Variants in COL8A1 observed in about 807,000 individuals in gnomAD.
COL8A1 encodes collagen type VIII alpha 1 chain, also known as collagen alpha-1(VIII) chain.
In COL8A1, 21 loss-of-function variants were observed where a neutral mutation model predicts 42.7. That is an observed-to-expected ratio of 0.49 (90% CI 0.35 to 0.71). COL8A1 has a LOEUF of 0.71. Ranked by LOEUF, COL8A1 falls within the 30% of genes least tolerant of loss-of-function variation. The probability of loss-of-function intolerance (pLI) is 0.01; values close to 1 mark genes in which losing one functional copy is unlikely to be tolerated. For missense variants in COL8A1, 788 were observed against 962.4 expected, an observed-to-expected ratio of 0.82 and a Z score of 2.40; for synonymous variants, 367 against 369.1, an observed-to-expected ratio of 0.99 and a Z score of 0.06.
chr3:99,661,743 G>A (rs1045283494), intron 1 of COL8A1, among the ~76,000 whole-genome samples: 4 of 152,126 alleles, frequency 2.6e-5, no homozygotes, highest in African/African-American at 9.7e-5. Context: ...TGGATGAATG[G>A]ATAAACAAAA....
In COL8A1 at chr3:99,692,888, G is replaced by A. The variant is rs191507158; in HGVS notation, c.-128-52009G>A. 2.5e-4 allele frequency among the ~76,000 whole-genome samples: 38 copies of A among 152,356 alleles called. 1 individual carries two copies. Among genetic ancestry groups the A allele is most frequent in the Admixed American group, 2.2e-3 (34 of 15,308 alleles). Reference sequence around the variant, plus strand: ...AAAAGTATTGCACATGGCTGGACGCGTGGCTCACGCCTGTAATCCCAACAC... The same window carrying A: ...AAAAGTATTGCACATGGCTGGACGCATGGCTCACGCCTGTAATCCCAACAC... On this transcript the variant is annotated intron_variant, in intron 1 of 3. Coordinates refer to ENST00000652472, the MANE Select transcript of COL8A1 (RefSeq NM_020351.4).
intron 1 of COL8A1, among the ~76,000 whole-genome samples, chr3:99,644,290 G>A (rs1937598776): frequency 6.6e-6 from 1 of 152,056 alleles, no homozygotes; most frequent in Non-Finnish European, 1.5e-5. Context: ...CATTTGACTG[G>A]CCCTCAAGTG....
chr3:99,731,599 T>C (rs2107384643), intron 1 of COL8A1, among the ~76,000 whole-genome samples: 1 of 152,238 alleles, frequency 6.6e-6, no homozygotes. Flanking sequence ...ATCTACATTT[T>C]TCAAAGTGCA....
intron 1 of COL8A1, among the ~76,000 whole-genome samples, chr3:99,701,143 C>T (rs556834309): frequency 2.6e-5 from 4 of 152,258 alleles, no homozygotes; most frequent in Admixed American, 6.5e-5. Flanking sequence ...AGCAAGGCCC[C>T]GGCTGAGGCA....
intron 3 of COL8A1, among the ~76,000 whole-genome samples, chr3:99,793,874 C>T (rs976068596): frequency 6.6e-6 from 1 of 152,140 alleles, no homozygotes; most frequent in Non-Finnish European, 1.5e-5. Context: ...GCCTCAGCCT[C>T]CCAAGTAGCT....
At chr3:99,746,321 C>T (rs1259534034) in intron 2 of COL8A1, among the ~76,000 whole-genome samples, 2 of 152,094 alleles carry the variant, frequency 1.3e-5, no homozygotes, top group Non-Finnish European at 2.9e-5. Context: ...AATACATGCT[C>T]ATTGAAGCAG....
intron 1 of COL8A1, among the ~76,000 whole-genome samples, chr3:99,710,168 TAGA>T (rs1939795607): frequency 6.6e-6 from 1 of 152,122 alleles, no homozygotes; most frequent in South Asian, 2.1e-4. Context: ...TATGTTAAAC[TAGA>T]AGAAGATGAC....
chr3:99,786,227 C>A (rs1941893163), intron 2 of COL8A1, among the ~76,000 whole-genome samples: 1 of 152,090 alleles, frequency 6.6e-6, no homozygotes, highest in Non-Finnish European at 1.5e-5. Flanking sequence ...TTATTGAACC[C>A]TTTATCCTGC....
At chr3:99,766,913 C>T (rs1051534761) in intron 2 of COL8A1, among the ~76,000 whole-genome samples, 1 of 151,350 alleles carries the variant, frequency 6.6e-6, no homozygotes, top group African/African-American at 2.4e-5. Flanking sequence ...CGTGCCATTG[C>T]ACTCCAGCCT....
chr3:99,739,084 C>T (rs1279639696), intron 1 of COL8A1, among the ~76,000 whole-genome samples: 3 of 152,196 alleles, frequency 2.0e-5, no homozygotes, highest in South Asian at 2.1e-4. Flanking sequence ...TGCTTTGGCT[C>T]GTGCACGGTG....
intron 2 of COL8A1, among the ~76,000 whole-genome samples, chr3:99,784,276 G>C (rs1054203089): frequency 6.6e-6 from 1 of 152,126 alleles, no homozygotes; most frequent in Admixed American, 6.6e-5. Context: ...TTGAATTTCA[G>C]TAAAATAATC....
chr3:99,693,100 G>A lies in COL8A1; in HGVS notation c.-128-51797G>A, dbSNP rs562035262. On this transcript the variant is annotated intron_variant, in intron 1 of 3. Transcript: ENST00000652472. ...AGCTACTGGAGAGGCTGAGGCAGGA[G>A]AATCGTTTGAACCTGGGAGGTGGAG... Among the ~76,000 whole-genome samples the A allele has an allele frequency of 2.0e-5, 3 of 152,332 alleles. No homozygotes were observed. The South Asian group carries it at 6.2e-4, about 32-fold the overall frequency.
intron 3 of COL8A1, among the ~76,000 whole-genome samples, chr3:99,792,286 T>C (rs1942015838): frequency 6.6e-6 from 1 of 152,254 alleles, no homozygotes; most frequent in South Asian, 2.1e-4. Flanking sequence ...CTTACTCTGA[T>C]GGATCCTCAT....
intron 2 of COL8A1, among the ~76,000 whole-genome samples, chr3:99,767,872 G>T (rs1479457455): frequency 6.6e-6 from 1 of 152,178 alleles, no homozygotes; most frequent in Non-Finnish European, 1.5e-5. Context: ...GAATGAGTTA[G>T]CATGAGAAAC....
intron 1 of COL8A1, among the ~76,000 whole-genome samples, chr3:99,645,943 G>A (rs868499357): frequency 6.6e-6 from 1 of 152,220 alleles, no homozygotes; most frequent in Non-Finnish European, 1.5e-5. Flanking sequence ...GGAAGCCTGC[G>A]GTGACTAGAC....
chr3:99,697,136 G>A (rs1328387261), intron 1 of COL8A1, among the ~76,000 whole-genome samples: 4 of 150,850 alleles, frequency 2.7e-5, no homozygotes, highest in African/African-American at 4.9e-5. Flanking sequence ...ACAGGCGCCC[G>A]CCACTACGCC....
intron 1 of COL8A1, among the ~76,000 whole-genome samples, chr3:99,648,807 C>T (rs894024894): frequency 1.3e-5 from 2 of 152,168 alleles, no homozygotes; most frequent in African/African-American, 4.8e-5. Flanking sequence ...ACGACTTTTA[C>T]CATAAACCGT....
At chr3:99,746,527 A>G (rs1941030154) in intron 2 of COL8A1, among the ~76,000 whole-genome samples, 1 of 152,228 alleles carries the variant, frequency 6.6e-6, no homozygotes, top group African/African-American at 2.4e-5. Flanking sequence ...CTCCCAGTAA[A>G]AAAAGTATAA....
chr3:99,654,946 T>G (rs908132630), intron 1 of COL8A1, among the ~76,000 whole-genome samples: 10 of 152,280 alleles, frequency 6.6e-5, no homozygotes, highest in Middle Eastern at 3.4e-3. Flanking sequence ...AGGACTTCCA[T>G]GCCAACCTCA....
Sources: gnomAD v4.1 joint callset for allele counts (sites outside exome capture counted in the v4.1 genomes callset) on GRCh38, gnomAD v4.1.1 for gene constraint, MANE v1.5 for transcripts, NCBI Gene and HGNC (gene_info 2026-07-23, HGNC 2026-07-21) for gene names.